NOD1: variants seen among roughly 807,000 people sequenced by gnomAD.
NOD1 encodes the protein nucleotide binding oligomerization domain containing 1.
NOD1 carries 70 observed loss-of-function variants against 81.2 expected under a neutral mutation model. That is an observed-to-expected ratio of 0.86 (90% CI 0.71 to 1.05). The LOEUF is 1.05. Among genes scored for constraint, NOD1 ranks in the 50% least tolerant of loss-of-function variants. The pLI, the probability that NOD1 is intolerant of heterozygous loss-of-function variation, is 0.00. For missense variants in NOD1, 1,233 were observed against 1,228.0 expected, an observed-to-expected ratio of 1.00 and a Z score of -0.06; for synonymous variants, 508 against 526.9, an observed-to-expected ratio of 0.96 and a Z score of 0.49.
rs1787766536 is a variant in NOD1, at chr7:30,467,034, G to C, written c.-351-6993C>G. ...AATTACTGGGTTGGTATCCCTAAAA[G>C]CCAAGCCGACCAGTGATGAAAAAGA... On this transcript the variant is annotated intron_variant, in intron 1 of 13. Coordinates refer to ENST00000222823, the MANE Select transcript of NOD1 (RefSeq NM_006092.4). The surrounding 1 kb of genome is among the most constrained non-coding windows in gnomAD (Gnocchi z 4.5). 6.6e-6 allele frequency among the ~76,000 whole-genome samples: 1 copy of C among 152,164 alleles called. No individual in the cohort carries two copies. The highest frequency in any genetic ancestry group is 2.1e-4 in the South Asian group (1 of 4,832).
At chr7:30,457,296 A>G (rs1242562022) in intron 3 of NOD1, among the ~76,000 whole-genome samples, 1 of 151,986 alleles carries the variant, frequency 6.6e-6, no homozygotes, top group Admixed American at 6.6e-5. Context: ...CTACAAAAAT[A>G]AAAAAAATTA....
chr7:30,464,024 T>A (rs1787429735), intron 1 of NOD1: 1 of 152,178 alleles, frequency 6.6e-6, no homozygotes, highest in African/African-American at 2.4e-5. Flanking sequence ...AAGGCCCTCT[T>A]TGGAGCTGCA....
Position 30,437,564 on chromosome 7 carries a change from C to A in NOD1, c.2537+9G>T. Reference sequence around the variant, plus strand: ...GGTTGGCCCCTGGAGACAGCAGGGCCACAGTTACCTCAGGGTGGTCAAGCT... The same window carrying A: ...GGTTGGCCCCTGGAGACAGCAGGGCAACAGTTACCTCAGGGTGGTCAAGCT... On this transcript the variant is annotated intron_variant, in intron 10 of 13. Coordinates refer to ENST00000222823, the MANE Select transcript of NOD1 (RefSeq NM_006092.4). The A allele has an allele frequency of 6.7e-7, 1 of 1,495,862 alleles. No individual in the cohort carries two copies. The highest frequency in any genetic ancestry group is 8.8e-7 in the Non-Finnish European group (1 of 1,133,356). 92.7% of individuals were successfully genotyped at this position (1,495,862 alleles called of 1,614,324 possible).
At chr7:30,463,701 A>G (rs1487359291) in intron 1 of NOD1, 1 of 99,164 alleles carries the variant, frequency 1.0e-5, no homozygotes. Flanking sequence ...CTGAGATGCT[A>G]AGATTAAAAA....
At chr7:30,471,568 C>T (rs1474456982) in intron 1 of NOD1, among the ~76,000 whole-genome samples, 2 of 152,140 alleles carry the variant, frequency 1.3e-5, no homozygotes, top group Admixed American at 6.5e-5. Flanking sequence ...CAAGTGCACA[C>T]AAATGATGAA....
At chr7:30,436,127 A>T in intron 10 of NOD1, 46 bp from the exon 11 acceptor site, 1 of 1,440,458 alleles carries the variant, frequency 6.9e-7, no homozygotes, top group Non-Finnish European at 9.8e-7. Flanking sequence ...ACACATCTAC[A>T]TTCAATCTTA....
intron 12 of NOD1, among the ~76,000 whole-genome samples, chr7:30,430,114 C>A (rs954485037): frequency 6.6e-6 from 1 of 152,098 alleles, no homozygotes; most frequent in Non-Finnish European, 1.5e-5. Flanking sequence ...TTCCAGGTAG[C>A]TAGGGAAAGG....
At chr7:30,470,297 C>T (rs1301971208) in intron 1 of NOD1, among the ~76,000 whole-genome samples, 9 of 152,198 alleles carry the variant, frequency 5.9e-5, no homozygotes, top group African/African-American at 1.9e-4. Flanking sequence ...TAGTAAGCAC[C>T]GGCCGTGACC....
At chr7:30,461,733 T>TTTGTTG (rs373311952) in intron 1 of NOD1, among the ~76,000 whole-genome samples, 32 of 152,008 alleles carry the variant, frequency 2.1e-4, no homozygotes, top group African/African-American at 5.8e-4. Flanking sequence ...AGGAATGATC[T>TTTGTTG]TTGTTGTTGT....
intron 1 of NOD1, among the ~76,000 whole-genome samples, chr7:30,468,269 C>T (rs1232409793): frequency 2.0e-5 from 3 of 152,112 alleles, no homozygotes; most frequent in South Asian, 2.1e-4. Context: ...TACCTCTGAA[C>T]ACTTCAAAAC....
At chr7:30,428,632 CTG>C (rs965406950) in intron 13 of NOD1, 2 of 152,050 alleles carry the variant, frequency 1.3e-5, no homozygotes, top group African/African-American at 4.8e-5. Context: ...TTAAAAAACA[CTG>C]TATGAGGAGC....
intron 1 of NOD1, among the ~76,000 whole-genome samples, chr7:30,461,808 G>C (rs1007479722): frequency 1.3e-5 from 2 of 152,130 alleles, no homozygotes; most frequent in African/African-American, 4.8e-5. Flanking sequence ...GCACAATCTT[G>C]GCCCACTGCA....
chr7:30,460,726 G>A (rs1370347431), intron 1 of NOD1: 15 of 970,898 alleles, frequency 1.5e-5, no homozygotes, highest in African/African-American at 1.8e-5. Flanking sequence ...AGGGAGCCCC[G>A]AAGGGAGCTG....
At chr7:30,469,105 T>C (rs1268100866) in intron 1 of NOD1, 3 of 985,194 alleles carry the variant, frequency 3.0e-6, no homozygotes, top group Middle Eastern at 5.2e-4. Context: ...CACAACAATC[T>C]GTGTTCTGTT....
intron 6 of NOD1, among the ~76,000 whole-genome samples, chr7:30,450,634 A>G (rs981000508): frequency 1.3e-5 from 2 of 152,194 alleles, no homozygotes; most frequent in African/African-American, 4.8e-5. Context: ...ACCAGTGCCA[A>G]CTGGCACAAG....
At chr7:30,475,723 G>T (rs1303616055) in intron 1 of NOD1, 2 of 152,180 alleles carry the variant, frequency 1.3e-5, no homozygotes, top group Non-Finnish European at 2.9e-5. Flanking sequence ...CCCACAGTTT[G>T]GACTGTGGCA....
At chr7:30,445,597 A>G (rs1231641873) in intron 9 of NOD1, among the ~76,000 whole-genome samples, 7 of 151,822 alleles carry the variant, frequency 4.6e-5, no homozygotes, top group Admixed American at 4.6e-4. Context: ...CGCCTCTACT[A>G]AAAATACAAA....
At position 30,452,357 on chromosome 7, in the gene NOD1, G is replaced by A; in HGVS notation, c.1060C>T (p.Pro354Ser). The change falls in exon 6 of 14, where the codon CCC becomes TCC. Residue 354 changes from proline to serine, a missense_variant. Coordinates refer to ENST00000222823, the MANE Select transcript of NOD1 (RefSeq NM_006092.4). ...RKKVLLRGFS[P>S]SHLRAYARRM... ...CTGGCATAGGCGCGCAGGTGGCTGG[G>A]GGAGAAGCCCCGGAGAAGCACCTTC... is the stretch of plus-strand genomic sequence containing the variant. 7 of 1,613,356 alleles carry A rather than the reference G, an allele frequency of 4.3e-6. No individual in the cohort carries two copies. The highest frequency in any genetic ancestry group is 5.9e-6 in the Non-Finnish European group (7 of 1,180,028).
Position 30,436,045 on chromosome 7 carries a change from C to T in NOD1, c.2574G>A (p.Lys858=), listed in dbSNP as rs776458110. The change falls in exon 11 of 14, where the codon AAG becomes AAA. Residue 858 remains lysine (K), a synonymous_variant. Coordinates refer to ENST00000222823, the MANE Select transcript of NOD1 (RefSeq NM_006092.4). ...ASNGISTEGG[K]SLARALQQNT... is the part of the protein sequence containing the mutation. Reference sequence around the variant, plus strand: ...TCTGCTGCAGGGCCCTCGCAAGGCTCTTTCCTCCTTCTGTGGAGATGCCGT... The same window carrying T: ...TCTGCTGCAGGGCCCTCGCAAGGCTTTTTCCTCCTTCTGTGGAGATGCCGT... 6.2e-6 allele frequency: 10 copies of T among 1,614,070 alleles called. No homozygotes were observed. Among genetic ancestry groups the T allele is most frequent in the African/African-American group, 1.3e-5 (1 of 74,944 alleles).
Sources: allele counts gnomAD v4.1 joint callset (sites outside exome capture counted in the v4.1 genomes callset), GRCh38; gene constraint gnomAD v4.1.1; non-coding constraint Gnocchi (gnomAD v3.1); transcripts MANE v1.5; gene names NCBI Gene and HGNC (gene_info 2026-07-23, HGNC 2026-07-21).